P2RY12: variants seen among roughly 807,000 people sequenced by gnomAD.
P2RY12 encodes the protein P2Y purinoceptor 12.
P2RY12 carries 3 observed loss-of-function variants against 4.5 expected under a neutral mutation model. The observed-to-expected ratio is 0.67, with a 90% CI of 0.31 to 1.74. P2RY12 has a LOEUF of 1.74. Ranked by LOEUF, P2RY12 falls within the 40% of genes most tolerant of loss-of-function variation. P2RY12 has a pLI of 0.09. For synonymous variants in P2RY12, 148 were observed against 154.1 expected (o/e 0.96, Z 0.29); for missense variants, 356 against 407.8 (o/e 0.87, Z 1.09).
chr3:151,355,412 C>G (rs999759878), intron 1 of P2RY12, among the ~76,000 whole-genome samples: 1 of 151,984 alleles, frequency 6.6e-6, no homozygotes, highest in Admixed American at 6.5e-5. Flanking sequence ...TTGCCTTCCT[C>G]GAAGGATTAA....
At chr3:151,359,039 C>T (rs751149822) in intron 1 of P2RY12, among the ~76,000 whole-genome samples, 15 of 152,080 alleles carry the variant, frequency 9.9e-5, no homozygotes, top group Non-Finnish European at 1.8e-4. Flanking sequence ...AGGAAGTGAG[C>T]ATAGTACTCA....
chr3:151,341,039 A>G (rs1475196919), intron 1 of P2RY12, among the ~76,000 whole-genome samples: 1 of 152,174 alleles, frequency 6.6e-6, no homozygotes, highest in Non-Finnish European at 1.5e-5. Context: ...CCAAGTTGAG[A>G]TCAAGCCTTC....
chr3:151,383,875 A>G (rs777939289), intron 1 of P2RY12: 5 of 1,613,154 alleles, frequency 3.1e-6, no homozygotes, highest in Non-Finnish European at 4.2e-6. Flanking sequence ...AACTGTTGAC[A>G]TGCACACTAA....
At position 151,344,263 on chromosome 3, in the gene P2RY12, T is replaced by C. The variant is rs529542834; in HGVS notation, c.-179-3503A>G. On this transcript the variant is annotated intron_variant, in intron 1 of 2. Transcript: ENST00000302632. Reference sequence around the variant, plus strand: ...GTAGTTAAATCCGCCTCCTATTTTCTTGATTTACAGAAAATATACTCTATG... The same window carrying C: ...GTAGTTAAATCCGCCTCCTATTTTCCTGATTTACAGAAAATATACTCTATG... Among the ~76,000 whole-genome samples, 150 of 151,426 alleles carry C rather than the reference T, an allele frequency of 9.9e-4. 1 individual carries two copies. The highest frequency in any genetic ancestry group is 5.4e-3 in the Admixed American group (81 of 15,126).
intron 1 of P2RY12, chr3:151,382,801 C>A (rs1712626863): frequency 1.4e-6 from 2 of 1,390,430 alleles, no homozygotes; most frequent in Non-Finnish European, 2.0e-6. Flanking sequence ...TGTGAAAATA[C>A]CTCCAGCTTT....
At chr3:151,364,571 T>C (rs1428808552) in intron 1 of P2RY12, among the ~76,000 whole-genome samples, 1 of 152,212 alleles carries the variant, frequency 6.6e-6, no homozygotes, top group Non-Finnish European at 1.5e-5. Context: ...TTGTAAGATA[T>C]GTAATTAAGA....
intron 1 of P2RY12, chr3:151,364,871 C>G (rs1755079183): frequency 5.3e-6 from 4 of 756,042 alleles, no homozygotes; most frequent in Non-Finnish European, 6.8e-6. Flanking sequence ...TGAATCTTCT[C>G]TAGGAATGCA....
intron 1 of P2RY12, among the ~76,000 whole-genome samples, chr3:151,372,000 G>A (rs1374019227): frequency 6.6e-6 from 1 of 152,140 alleles, no homozygotes; most frequent in African/African-American, 2.4e-5. Flanking sequence ...AAAAAACAGG[G>A]GTTATTCAAT....
chr3:151,338,341 C>T lies in P2RY12; in HGVS notation c.505G>A (p.Asp169Asn). 1 of 1,614,146 alleles carries T rather than the reference C, an allele frequency of 6.2e-7. No individual in the cohort carries two copies. The highest frequency in any genetic ancestry group is 8.5e-7 in the Non-Finnish European group (1 of 1,180,018). ...AAAGAGCATTTCTTCACATTCTTGT[C>T]TCTCGGCTGCCTGTTGGTCAGAATC... ...NMILTNRQPRDKNVKKCSFLK... is the reference protein window; with the variant it reads ...NMILTNRQPRNKNVKKCSFLK... The change falls in exon 3 of 3, where the codon GAC becomes AAC. Residue 169 changes from aspartate (D) to asparagine (N), a missense_variant. Asp to Asn is a conservative substitution (Grantham distance 23, BLOSUM62 1). Transcript: ENST00000302632.
intron 1 of P2RY12, among the ~76,000 whole-genome samples, chr3:151,373,392 G>T (rs1292657884): frequency 2.0e-5 from 3 of 152,170 alleles, no homozygotes; most frequent in African/African-American, 7.2e-5. Flanking sequence ...TAACTATACA[G>T]TGGGGACTGT....
At chr3:151,376,727 A>G (rs1388320419) in intron 1 of P2RY12, 1 of 1,193,820 alleles carries the variant, frequency 8.4e-7, no homozygotes, top group African/African-American at 1.5e-5. Context: ...TGAGAGAAGG[A>G]GTACTGTAAG....
chr3:151,342,412 A>G (rs982690825), intron 1 of P2RY12, among the ~76,000 whole-genome samples: 1 of 152,160 alleles, frequency 6.6e-6, no homozygotes, highest in African/African-American at 2.4e-5. Context: ...TTTACATGTT[A>G]AATATCTTCA....
chr3:151,347,613 G>A (rs1004141422), intron 1 of P2RY12, among the ~76,000 whole-genome samples: 3 of 152,092 alleles, frequency 2.0e-5, no homozygotes, highest in Non-Finnish European at 2.9e-5. Context: ...GTGTAAGGAC[G>A]AGCAACAGCA....
intron 1 of P2RY12, among the ~76,000 whole-genome samples, chr3:151,381,358 T>G (rs993599308): frequency 6.6e-6 from 1 of 152,216 alleles, no homozygotes; most frequent in African/African-American, 2.4e-5. Flanking sequence ...AGTCACATAT[T>G]ACCTCAGTAT....
rs774905071 is a variant in P2RY12 at position 151,338,528 on chromosome 3, GA to G, written c.317del (p.Phe106SerfsTer12). ...VCQVTSVIFY[F>X]TMYISISFLG... is the part of the protein sequence containing the mutation. ...GGAATGAAATACTGATATACATTGT[GA>G]AATAAAATATGACGGAGGTAACTTG... is the stretch of plus-strand genomic sequence containing the variant. On this transcript the variant is annotated frameshift_variant, in exon 3 of 3. Coordinates refer to ENST00000302632, the MANE Select transcript of P2RY12 (RefSeq NM_022788.5). LOFTEE classifies it high-confidence loss of function. 6.2e-7 allele frequency: 1 copy of G among 1,613,738 alleles called. No individual in the cohort carries two copies. The highest frequency in any genetic ancestry group is 8.5e-7 in the Non-Finnish European group (1 of 1,179,942).
intron 1 of P2RY12, among the ~76,000 whole-genome samples, chr3:151,353,073 A>G (rs1252177456): frequency 1.3e-5 from 2 of 152,224 alleles, no homozygotes; most frequent in East Asian, 3.8e-4. Context: ...ATTCTTTTAC[A>G]TGAAGTTTTA....
intron 1 of P2RY12, chr3:151,360,469 C>T (rs1359922578): frequency 3.1e-6 from 5 of 1,610,136 alleles, no homozygotes; most frequent in Non-Finnish European, 4.2e-6. Flanking sequence ...TATTTTTCTC[C>T]TCAGGTTGTG....
intron 1 of P2RY12, chr3:151,377,963 G>A (rs1577498403): frequency 1.3e-5 from 20 of 1,505,632 alleles, no homozygotes; most frequent in Non-Finnish European, 1.8e-5. Context: ...AACTGTGAGA[G>A]CAGGGGAAAG....
In P2RY12 at chr3:151,376,739, A is replaced by G. The variant is rs374442250; in HGVS notation, c.-180+7953T>C. The stretch of plus-strand genomic sequence containing the variant: ...TCTTGAGAGAAGGAGTACTGTAAGA[A>G]ATTACTGTATTTTAACACATTTGAT... On this transcript the variant is annotated intron_variant, in intron 1 of 2. Transcript: ENST00000302632. 143 of 1,340,886 alleles carry G rather than the reference A, an allele frequency of 1.1e-4. No homozygotes were observed. The African/African-American group carries it at 1.5e-3, about 14-fold the overall frequency. 83.1% of individuals were successfully genotyped at this position (1,340,886 alleles called of 1,614,324 possible).
Sources: gnomAD v4.1 joint callset for allele counts (sites outside exome capture counted in the v4.1 genomes callset) on GRCh38, gnomAD v4.1.1 for gene constraint, MANE v1.5 for transcripts, NCBI Gene and HGNC (gene_info 2026-07-23, HGNC 2026-07-21) for gene names.